Variants in PTPRF observed in about 807,000 individuals in gnomAD.
PTPRF encodes the protein receptor-type tyrosine-protein phosphatase F.
In PTPRF, 59 loss-of-function variants were observed where a neutral mutation model predicts 201.8. The observed-to-expected ratio is 0.29, with a 90% confidence interval of 0.24 to 0.36. The LOEUF is 0.36. Ranked by LOEUF, PTPRF falls within the 10% of genes least tolerant of loss-of-function variation. The pLI is 1.00. For missense variants in PTPRF, 2,132 were observed against 2,690.5 expected (o/e 0.79, Z 4.59); for synonymous variants, 1,088 against 1,089.7 (o/e 1.00, Z 0.03).
At chr1:43,575,797 AT>A in intron 6 of PTPRF, 1 of 954,328 alleles carries the variant, frequency 1.0e-6, no homozygotes. Flanking sequence ...TTCTCCATGT[AT>A]TTAAGGCCCT....
rs1354879374 is a variant in PTPRF, at chr1:43,591,495, C to G, written c.1473C>G (p.Phe491Leu). The part of the protein sequence containing the change: ...GITYSLRVLA[F>L]TAVGDGPPSP... ...CCTACAGCCTGCGCGTGCTTGCCTT[C>G]ACCGCCGTGGGCGATGGCCCTCCCA... Residue 491 changes from phenylalanine to leucine, a missense_variant, in exon 9 of 34, where the codon TTC becomes TTG. Coordinates refer to ENST00000359947, the MANE Select transcript of PTPRF (RefSeq NM_002840.5). 6.2e-7 allele frequency: 1 copy of G among 1,600,370 alleles called. No individual in the cohort carries two copies. Among genetic ancestry groups the G allele is most frequent in the Non-Finnish European group, 8.5e-7 (1 of 1,176,076 alleles).
intron 20 of PTPRF, 79 bp downstream of exon 20, chr1:43,606,537 A>G: frequency 7.3e-7 from 1 of 1,367,326 alleles, no homozygotes; most frequent in South Asian, 1.3e-5. Flanking sequence ...CAAACACCAC[A>G]AGACCCCAGG....
At chr1:43,579,010 G>A (rs1219638124) in intron 7 of PTPRF, 90 bp downstream of exon 7, 59 of 1,142,394 alleles carry the variant, frequency 5.2e-5, no homozygotes, top group South Asian at 7.6e-5. Context: ...GTGCAGACAC[G>A]CAAGGGACTG....
At chr1:43,540,169 A>C (rs185471241) in intron 2 of PTPRF, among the ~76,000 whole-genome samples, 7 of 152,292 alleles carry the variant, frequency 4.6e-5, no homozygotes, top group Admixed American at 6.5e-5. Flanking sequence ...TCTTCCCCCT[A>C]GATGCCAGTA....
In PTPRF at chr1:43,613,606, T is replaced by C. The variant is rs200145001; in HGVS notation, c.3974-12T>C. 2.5e-6 allele frequency: 4 copies of C among 1,610,252 alleles called. No individual in the cohort carries two copies. In the East Asian group the frequency reaches 8.9e-5, roughly 36 times the overall value. Reference sequence around the variant, plus strand: ...ACACTAATGCTGCCTGTGTATGCCCTACCTCCCCTAGGTATGCGAGACCAC... The same window carrying C: ...ACACTAATGCTGCCTGTGTATGCCCCACCTCCCCTAGGTATGCGAGACCAC... On this transcript the variant is annotated splice_polypyrimidine_tract_variant and intron_variant, in intron 22 of 33. Transcript: ENST00000359947.
Position 43,546,450 on chromosome 1 carries a change from AG to A in PTPRF, c.91+1288del. On this transcript the variant is annotated intron_variant, in intron 3 of 33. Transcript: ENST00000359947. The surrounding 1 kb of genome is among the most constrained non-coding windows in gnomAD (Gnocchi z 4.2). ...ATCTCCAGGCCTGGCTGGAACCTGC[AG>A]GGGCAGGTTGGAGTAGAAAGCCTTA... is the stretch of plus-strand genomic sequence containing the variant. Among the ~76,000 whole-genome samples the A allele has an allele frequency of 6.6e-6, 1 of 152,250 alleles. No individual in the cohort carries two copies. The highest frequency in any genetic ancestry group is 6.5e-5 in the Admixed American group (1 of 15,306).
At chr1:43,615,066 C>T (rs759422564) in intron 23 of PTPRF, among the ~76,000 whole-genome samples, 9 of 152,228 alleles carry the variant, frequency 5.9e-5, no homozygotes, top group Non-Finnish European at 5.9e-5. Context: ...TGTGAGTTTG[C>T]GCCCCTTCTG....
Position 43,537,569 on chromosome 1 carries a change from A to G in PTPRF, c.-125-629A>G, listed in dbSNP as rs976651038. Among the ~76,000 whole-genome samples, 1 of 152,248 alleles carries G rather than the reference A, an allele frequency of 6.6e-6. No homozygotes were observed. The highest frequency in any genetic ancestry group is 1.5e-5 in the Non-Finnish European group (1 of 68,042). On this transcript the variant is annotated intron_variant, in intron 1 of 33. Transcript: ENST00000359947. The surrounding 1 kb of genome is among the most constrained non-coding windows in gnomAD (Gnocchi z 4.8). ...CCTATCAAGCTTATGGTAGTGACTCAGTAATTGTAAAAATATATAAATAGT... is the reference window on the plus strand; with the variant it reads ...CCTATCAAGCTTATGGTAGTGACTCGGTAATTGTAAAAATATATAAATAGT...
upstream of PTPRF, among the ~76,000 whole-genome samples, chr1:43,530,658 A>T (rs944972805): frequency 2.6e-5 from 4 of 152,138 alleles, no homozygotes; most frequent in African/African-American, 9.7e-5. The surrounding 1 kb of genome is among the most constrained non-coding windows in gnomAD (Gnocchi z 4.1). Context: ...ATGTAGTATC[A>T]GAGTTTGGTC....
chr1:43,579,240 A>G (rs1282910866), intron 7 of PTPRF: 3 of 568,702 alleles, frequency 5.3e-6, no homozygotes, highest in Admixed American at 2.2e-5. Flanking sequence ...TTCTTGGTGT[A>G]TGTGCATGTG....
At chr1:43,621,900 C>A in intron 33 of PTPRF, 35 bp from the exon 34 acceptor site, 1 of 1,606,548 alleles carries the variant, frequency 6.2e-7, no homozygotes, top group Non-Finnish European at 8.5e-7. Flanking sequence ...TGTCCACTGG[C>A]GCGACCCACA....
At chr1:43,615,657 C>T in intron 23 of PTPRF, among the ~76,000 whole-genome samples, 1 of 148,308 alleles carries the variant, frequency 6.7e-6, no homozygotes, top group East Asian at 2.0e-4. Flanking sequence ...AGCTCTGCCT[C>T]CTGGGTTCAC....
chr1:43,617,962 A>G (rs777101853), intron 25 of PTPRF, 51 bp downstream of exon 25: 14 of 1,547,196 alleles, frequency 9.0e-6, no homozygotes, highest in Middle Eastern at 1.9e-4. Context: ...CCCAGCCACA[A>G]GGTGATACAG....
intron 7 of PTPRF, chr1:43,579,292 G>A (rs1647157383): frequency 2.2e-6 from 1 of 464,816 alleles, no homozygotes; most frequent in African/African-American, 2.0e-5. Flanking sequence ...GTAAATGCAT[G>A]CATACCTGGC....
intron 6 of PTPRF, among the ~76,000 whole-genome samples, chr1:43,576,724 A>G (rs1449163910): frequency 6.6e-6 from 1 of 152,244 alleles, no homozygotes; most frequent in East Asian, 1.9e-4. Context: ...CATGAGAATT[A>G]GAGGAGAGGA....
At chr1:43,604,307 C>A in intron 16 of PTPRF, 118 bp downstream of exon 16, 1 of 1,043,742 alleles carries the variant, frequency 9.6e-7, no homozygotes, top group Non-Finnish European at 1.4e-6. Context: ...GTGTGACCTC[C>A]AATCTCTCAT....
In PTPRF at chr1:43,598,922, T is replaced by C. The variant is rs768047558; in HGVS notation, c.2313+9T>C. ...TGCTAGCCGAGGCCCAGGTGCAGCA[T>C]TGGGTGGTGGTGGGGTGGCAGGGTG... On this transcript the variant is annotated intron_variant, in intron 13 of 33. Coordinates refer to ENST00000359947, the MANE Select transcript of PTPRF (RefSeq NM_002840.5). 3.7e-6 allele frequency: 6 copies of C among 1,611,036 alleles called. No individual in the cohort carries two copies. The highest frequency in any genetic ancestry group is 1.8e-4 in the Middle Eastern group (1 of 5,566).
intron 5 of PTPRF, among the ~76,000 whole-genome samples, chr1:43,559,893 CTGTG>C (rs61725582): frequency 5.6e-5 from 8 of 143,988 alleles, no homozygotes; most frequent in Admixed American, 1.4e-4. Flanking sequence ...ATGTATCAGG[CTGTG>C]TGTGTGTGTG....
Position 43,605,275 on chromosome 1 carries a change from C to G in PTPRF, c.3221C>G (p.Ser1074Trp). 1 of 1,613,116 alleles carries G rather than the reference C, an allele frequency of 6.2e-7. No individual in the cohort carries two copies. The highest frequency in any genetic ancestry group is 8.5e-7 in the Non-Finnish European group (1 of 1,179,398). Residue 1074 changes from serine to tryptophan, a missense_variant, in exon 18 of 34, where the codon TCG becomes TGG. Physicochemically the swap from Ser to Trp is radical, Grantham distance 177 (BLOSUM62 -3). Transcript: ENST00000359947. ...GACCTGCAGCCCAACACAGAGTACTCGTTTGTGCTGATGAACCGTGGCAGC... is the reference window on the plus strand; with the variant it reads ...GACCTGCAGCCCAACACAGAGTACTGGTTTGTGCTGATGAACCGTGGCAGC... ...IADLQPNTEY[S>W]FVLMNRGSSA... is the part of the protein sequence containing the mutation.
Sources: gnomAD v4.1 joint callset for allele counts (sites outside exome capture counted in the v4.1 genomes callset) on GRCh38, gnomAD v4.1.1 for gene constraint, Gnocchi (gnomAD v3.1) non-coding constraint, MANE v1.5 for transcripts, NCBI Gene and HGNC (gene_info 2026-07-23, HGNC 2026-07-21) for gene names.